The following GALNT17 variants were observed in gnomAD, a reference collection of about 807,000 sequenced individuals.
GALNT17 encodes the protein UDP-GalNAc:polypeptide N-acetylgalactosaminyltransferase-like 3.
GALNT17 carries 29 observed loss-of-function variants against 63.7 expected under a neutral mutation model. That is an observed-to-expected ratio of 0.46 (90% CI 0.34 to 0.62). The LOEUF (loss-of-function observed/expected upper bound fraction) is 0.62, where lower values mean the gene tolerates loss of function less well. GALNT17 is among the 20% of genes least tolerant of loss of function. The pLI, the probability that GALNT17 is intolerant of heterozygous loss-of-function variation, is 0.01. For missense variants in GALNT17, 603 were observed against 799.6 expected (o/e 0.75, Z 2.97); for synonymous variants, 305 against 318.3 (o/e 0.96, Z 0.45).
chr7:71,462,458 A>T lies in GALNT17; in HGVS notation c.962+41353A>T, dbSNP rs1043298742. Reference sequence around the variant, plus strand: ...GCTGTGAACCCCCCAAATTTGGGACAGGTCTCAGTTAATTTAGAAAGTTTA... The same window carrying T: ...GCTGTGAACCCCCCAAATTTGGGACTGGTCTCAGTTAATTTAGAAAGTTTA... On this transcript the variant is annotated intron_variant, in intron 5 of 10. Coordinates refer to ENST00000333538, the MANE Select transcript of GALNT17 (RefSeq NM_022479.3). Among the ~76,000 whole-genome samples, 4 of 152,200 alleles carry T rather than the reference A, an allele frequency of 2.6e-5. No homozygotes were observed. In the South Asian group the frequency reaches 8.3e-4, roughly 32 times the overall value.
intron 5 of GALNT17, among the ~76,000 whole-genome samples, chr7:71,433,716 A>G (rs1786909603): frequency 6.6e-6 from 1 of 152,224 alleles, no homozygotes; most frequent in Non-Finnish European, 1.5e-5. Context: ...ATTTTAAACC[A>G]GCAGAACTGG....
At chr7:71,466,071 C>T (rs1787529811) in intron 5 of GALNT17, among the ~76,000 whole-genome samples, 1 of 152,204 alleles carries the variant, frequency 6.6e-6, no homozygotes, top group Non-Finnish European at 1.5e-5. Flanking sequence ...ATGCAAATTT[C>T]CGCCACAAAA....
At chr7:71,243,513 C>G (rs1370343985) in intron 1 of GALNT17, among the ~76,000 whole-genome samples, 1 of 152,110 alleles carries the variant, frequency 6.6e-6, no homozygotes, top group Non-Finnish European at 1.5e-5. Context: ...TTCTTTTCCA[C>G]AAGCAGAAAT....
At chr7:71,674,010 C>T (rs963634638) in intron 8 of GALNT17, among the ~76,000 whole-genome samples, 1 of 152,150 alleles carries the variant, frequency 6.6e-6, no homozygotes, top group Non-Finnish European at 1.5e-5. Flanking sequence ...AAATGATGTC[C>T]CTTGAGCCGT....
chr7:71,292,055 A>T (rs1790988848), intron 1 of GALNT17, among the ~76,000 whole-genome samples: 1 of 152,186 alleles, frequency 6.6e-6, no homozygotes, highest in South Asian at 2.1e-4. Flanking sequence ...TGGATTATTT[A>T]CATTTTAGAT....
chr7:71,455,493 GT>G (rs1444838042), intron 5 of GALNT17, among the ~76,000 whole-genome samples: 1,608 of 107,712 alleles, frequency 0.015, 7 homozygotes, highest in Middle Eastern at 0.045. Flanking sequence ...GTTTTGTTTT[GT>G]TTTTTGTTTT....
In GALNT17 at chr7:71,710,868, C is replaced by T. The variant is rs1205420904; in HGVS notation, c.1608C>T (p.Pro536=). 1.2e-6 allele frequency: 2 copies of T among 1,613,968 alleles called. No homozygotes were observed. Among genetic ancestry groups the T allele is most frequent in the Non-Finnish European group, 1.7e-6 (2 of 1,180,026 alleles). The change falls in exon 10 of 11, where the codon CCC becomes CCT. Residue 536 remains proline, a synonymous_variant. Transcript: ENST00000333538. ...TGGACAACTCCAAGAGTCGGCTGCC[C>T]CAGCTCCTGGACTGCGACAAGGTCA... The part of the protein sequence containing the change: ...CLVDNSKSRL[P]QLLDCDKVKS...
At chr7:71,250,196 A>G (rs541601596) in intron 1 of GALNT17, among the ~76,000 whole-genome samples, 2 of 152,374 alleles carry the variant, frequency 1.3e-5, no homozygotes, top group South Asian at 4.1e-4. Context: ...ACCTTGAGGT[A>G]ACAAATTAAG....
At chr7:71,365,033 C>A (rs956526231) in intron 2 of GALNT17, among the ~76,000 whole-genome samples, 2 of 151,914 alleles carry the variant, frequency 1.3e-5, no homozygotes, top group African/African-American at 4.8e-5. Flanking sequence ...TGGGTTCAAG[C>A]GGTTCTCCTG....
At chr7:71,635,767 T>A (rs1226405714) in intron 6 of GALNT17, among the ~76,000 whole-genome samples, 2 of 152,080 alleles carry the variant, frequency 1.3e-5, no homozygotes, top group African/African-American at 4.8e-5. Context: ...AAACAAGAGG[T>A]GGATTATTCA....
chr7:71,378,436 G>A (rs182544316), intron 2 of GALNT17, among the ~76,000 whole-genome samples: 3 of 152,222 alleles, frequency 2.0e-5, no homozygotes, highest in Non-Finnish European at 2.9e-5. Context: ...AATTGGGCTG[G>A]TTAATGCACT....
intron 9 of GALNT17, among the ~76,000 whole-genome samples, chr7:71,694,885 C>T (rs891644710): frequency 6.6e-6 from 1 of 152,140 alleles, no homozygotes; most frequent in African/African-American, 2.4e-5. Context: ...AGTTGGCAAG[C>T]GAAGAAAGTG....
At chr7:71,144,036 A>C (rs1290067357) in intron 1 of GALNT17, among the ~76,000 whole-genome samples, 1 of 152,134 alleles carries the variant, frequency 6.6e-6, no homozygotes, top group Non-Finnish European at 1.5e-5. Flanking sequence ...CCACGATCAC[A>C]TCCAGAACTA....
chr7:71,427,303 A>C (rs1466648649), intron 5 of GALNT17, among the ~76,000 whole-genome samples: 1 of 151,456 alleles, frequency 6.6e-6, no homozygotes, highest in Non-Finnish European at 1.5e-5. Context: ...TTACCGTGTT[A>C]ACCAGGTTGG....
chr7:71,691,440 C>T (rs1425354693), intron 9 of GALNT17, among the ~76,000 whole-genome samples: 3 of 152,136 alleles, frequency 2.0e-5, no homozygotes, highest in Non-Finnish European at 2.9e-5. Context: ...TTGCAATATT[C>T]GCTATATTGC....
chr7:71,652,522 G>A (rs7805142), intron 6 of GALNT17, among the ~76,000 whole-genome samples: 139,506 of 152,142 alleles, frequency 0.92, 65,161 homozygotes, highest in South Asian at 1. Context: ...CTCTGGGAAG[G>A]AGGTTACCAG....
chr7:71,539,911 A>G (rs1462078770), intron 5 of GALNT17, among the ~76,000 whole-genome samples: 2 of 149,984 alleles, frequency 1.3e-5, no homozygotes, highest in Non-Finnish European at 3.0e-5. Flanking sequence ...TTCTGCCCCA[A>G]CCTTCCAAGT....
At chr7:71,167,694 TA>T (rs1468178578) in intron 1 of GALNT17, among the ~76,000 whole-genome samples, 5 of 152,288 alleles carry the variant, frequency 3.3e-5, no homozygotes, top group Admixed American at 3.3e-4. Flanking sequence ...TTTGTTTTAT[TA>T]TTTTTTTTGA....
intron 5 of GALNT17, among the ~76,000 whole-genome samples, chr7:71,554,943 C>T (rs753071166): frequency 2.4e-4 from 37 of 152,246 alleles, no homozygotes; most frequent in African/African-American, 8.2e-4. Flanking sequence ...ATTTGGCTTA[C>T]GGTTCTGCAG....
Sources: allele counts gnomAD v4.1 joint callset (sites outside exome capture counted in the v4.1 genomes callset), GRCh38; gene constraint gnomAD v4.1.1; transcripts MANE v1.5; gene names NCBI Gene and HGNC (gene_info 2026-07-23, HGNC 2026-07-21).